CNTN5: variants seen among roughly 807,000 people sequenced by gnomAD.
CNTN5 encodes contactin 5, also known as contactin-5.
Under a neutral mutation model 129.1 loss-of-function variants are expected in CNTN5, and 77 were observed. The ratio of observed to expected loss-of-function variants is 0.60; its 90% CI spans 0.50 to 0.72. The LOEUF is 0.72. Among genes scored for constraint, CNTN5 ranks in the 30% least tolerant of loss-of-function variants. The pLI is 0.00. For synonymous variants in CNTN5, 509 were observed against 465.6 expected, an observed-to-expected ratio of 1.09 and a Z score of -1.20; for missense variants, 1,478 against 1,328.8, an observed-to-expected ratio of 1.11 and a Z score of -1.75.
chr11:99,088,826 C>T (rs530696244), intron 1 of CNTN5, among the ~76,000 whole-genome samples: 5 of 152,278 alleles, frequency 3.3e-5, no homozygotes, highest in African/African-American at 1.2e-4. Context: ...AAGATGTTTA[C>T]TGTCATTTTT....
chr11:100,124,414 A>G (rs1946120582), intron 13 of CNTN5, among the ~76,000 whole-genome samples: 1 of 152,048 alleles, frequency 6.6e-6, no homozygotes, highest in Non-Finnish European at 1.5e-5. Flanking sequence ...GAAAATTATT[A>G]TAGATCCTGG....
At chr11:99,109,488 A>G (rs950160206) in intron 1 of CNTN5, among the ~76,000 whole-genome samples, 7 of 152,216 alleles carry the variant, frequency 4.6e-5, no homozygotes, top group African/African-American at 1.7e-4. Flanking sequence ...CCAAGGTCAC[A>G]CACCCACACA....
chr11:99,487,189 C>T (rs563843225), intron 2 of CNTN5, among the ~76,000 whole-genome samples: 5 of 152,332 alleles, frequency 3.3e-5, no homozygotes, highest in South Asian at 2.1e-4. Context: ...GTTACCATCA[C>T]GTGTCCACCA....
intron 18 of CNTN5, among the ~76,000 whole-genome samples, chr11:100,276,936 A>G (rs1950525949): frequency 6.6e-6 from 1 of 151,498 alleles, no homozygotes; most frequent in African/African-American, 2.4e-5. Context: ...TTTTATATCC[A>G]TTAACCATCT....
chr11:99,889,466 T>C (rs1948999212), intron 6 of CNTN5, among the ~76,000 whole-genome samples: 2 of 151,000 alleles, frequency 1.3e-5, no homozygotes, highest in South Asian at 4.2e-4. Flanking sequence ...CTCTGTACCA[T>C]TAAAAAAAAG....
chr11:99,924,076 C>T (rs764425490), intron 7 of CNTN5, among the ~76,000 whole-genome samples: 3 of 152,144 alleles, frequency 2.0e-5, no homozygotes, highest in Non-Finnish European at 2.9e-5. Flanking sequence ...AGACGTGAGC[C>T]GCCACACCCG....
intron 3 of CNTN5, among the ~76,000 whole-genome samples, chr11:99,590,195 CAAAT>C (rs1210541587): frequency 2.0e-5 from 3 of 152,006 alleles, no homozygotes; most frequent in Non-Finnish European, 4.4e-5. Context: ...TTATACAAGT[CAAAT>C]AAAGCATAAA....
chr11:99,619,713 TAC>T (rs1316841683), intron 3 of CNTN5, among the ~76,000 whole-genome samples: 1 of 152,074 alleles, frequency 6.6e-6, no homozygotes, highest in Non-Finnish European at 1.5e-5. Context: ...TTTCAGGTCT[TAC>T]ATAAAATGTG....
chr11:99,518,721 G>C (rs916044122), intron 2 of CNTN5, among the ~76,000 whole-genome samples: 4 of 151,964 alleles, frequency 2.6e-5, no homozygotes, highest in African/African-American at 9.7e-5. Flanking sequence ...TTGTAGTCCA[G>C]AGAATTTGAA....
chr11:99,392,157 A>G (rs1188870060), intron 2 of CNTN5, among the ~76,000 whole-genome samples: 1 of 151,778 alleles, frequency 6.6e-6, no homozygotes, highest in Non-Finnish European at 1.5e-5. Context: ...AAAGTATGAA[A>G]TAATATGTAA....
At chr11:99,947,877 GA>G (rs1240794221) in intron 7 of CNTN5, among the ~76,000 whole-genome samples, 1 of 151,958 alleles carries the variant, frequency 6.6e-6, no homozygotes, top group African/African-American at 2.4e-5. Context: ...AATTCATAGT[GA>G]AAAAATGTTG....
At chr11:99,438,660 T>C (rs1426864964) in intron 2 of CNTN5, among the ~76,000 whole-genome samples, 1 of 152,210 alleles carries the variant, frequency 6.6e-6, no homozygotes, top group Non-Finnish European at 1.5e-5. Context: ...GGACACTGTA[T>C]ACAGTGATGT....
At chr11:100,298,943 CA>C (rs1291774784) in intron 19 of CNTN5, among the ~76,000 whole-genome samples, 1 of 151,326 alleles carries the variant, frequency 6.6e-6, no homozygotes. Context: ...AGTTTTTGTA[CA>C]TTTCAACTGA....
chr11:99,591,399 G>A (rs534580996), intron 3 of CNTN5, among the ~76,000 whole-genome samples: 35 of 147,968 alleles, frequency 2.4e-4, no homozygotes, highest in South Asian at 1.7e-3. Flanking sequence ...GTGCAGTGGC[G>A]TGATCTTGGC....
chr11:99,474,049 T>C (rs1187157462), intron 2 of CNTN5, among the ~76,000 whole-genome samples: 2 of 152,044 alleles, frequency 1.3e-5, no homozygotes, highest in Non-Finnish European at 1.5e-5. Flanking sequence ...TAATATACTC[T>C]TTATTGCACC....
chr11:99,408,432 G>GAA lies in CNTN5; in HGVS notation c.-71+82950_-71+82951dup, dbSNP rs1259540651. Reference sequence around the variant, plus strand: ...GAGAAAGAAAGGAAGGAAAGAAAAAGAAAGAAAGAAAGAAAGAGAAAGAAA... The same window carrying GAA: ...GAGAAAGAAAGGAAGGAAAGAAAAAGAAAAAGAAAGAAAGAAAGAGAAAGAAA... On this transcript the variant is annotated intron_variant, in intron 2 of 24. Coordinates refer to ENST00000524871, the MANE Select transcript of CNTN5 (RefSeq NM_014361.4). Among the ~76,000 whole-genome samples, 70 of 56,958 alleles carry GAA rather than the reference G, an allele frequency of 1.2e-3. 1 individual carries two copies. The highest frequency in any genetic ancestry group is 6.1e-3 in the African/African-American group (67 of 10,916). The allele number at this position is 56,958 out of a possible 152,430, so 37.4% of individuals were successfully genotyped here.
At chr11:100,062,728 A>T (rs1223620437) in intron 10 of CNTN5, among the ~76,000 whole-genome samples, 2 of 152,200 alleles carry the variant, frequency 1.3e-5, no homozygotes, top group Non-Finnish European at 2.9e-5. Flanking sequence ...AAGGACATAG[A>T]CATTTAAATG....
intron 15 of CNTN5, among the ~76,000 whole-genome samples, chr11:100,222,807 G>T (rs958280644): frequency 1.3e-5 from 2 of 151,986 alleles, no homozygotes; most frequent in African/African-American, 4.8e-5. Flanking sequence ...GGCCTGTAGT[G>T]TGCACAGCCA....
At chr11:100,064,620 G>T (rs1176724857) in intron 10 of CNTN5, among the ~76,000 whole-genome samples, 1 of 152,034 alleles carries the variant, frequency 6.6e-6, no homozygotes, top group African/African-American at 2.4e-5. Flanking sequence ...TGCCTTTCTT[G>T]ATAATAGGAT....
Sources: allele counts gnomAD v4.1 joint callset (sites outside exome capture counted in the v4.1 genomes callset), GRCh38; gene constraint gnomAD v4.1.1; transcripts MANE v1.5; gene names NCBI Gene and HGNC (gene_info 2026-07-23, HGNC 2026-07-21).